AKAP6: variants seen among roughly 807,000 people sequenced by gnomAD.
AKAP6 encodes A-kinase anchoring protein 6.
A neutral mutation model predicts 188.5 loss-of-function variants in AKAP6; 58 were observed. The observed-to-expected ratio is 0.31, with a 90% CI of 0.25 to 0.38. The LOEUF (loss-of-function observed/expected upper bound fraction) is 0.38, where lower values mean the gene tolerates loss of function less well. AKAP6 is among the 10% of genes least tolerant of loss of function. The pLI, the probability that AKAP6 is intolerant of heterozygous loss-of-function variation, is 1.00. For missense variants in AKAP6, 2,710 were observed against 2,740.0 expected (o/e 0.99, Z 0.24); for synonymous variants, 989 against 998.6 (o/e 0.99, Z 0.18).
At chr14:32,342,712 G>A (rs1886928719) in intron 1 of AKAP6, among the ~76,000 whole-genome samples, 2 of 152,256 alleles carry the variant, frequency 1.3e-5, no homozygotes, top group South Asian at 2.1e-4. Context: ...CAGTGTCAGC[G>A]CTGGATGGAG....
chr14:32,735,605 G>GTT (rs2031376583), intron 10 of AKAP6, 53 bp from the exon 11 acceptor site: 8 of 1,257,400 alleles, frequency 6.4e-6, no homozygotes, highest in East Asian at 4.7e-5. Flanking sequence ...TTGTTCGTGG[G>GTT]GTTTTTTTTT....
intron 5 of AKAP6, among the ~76,000 whole-genome samples, chr14:32,587,569 G>T (rs143574765): frequency 6.6e-6 from 1 of 152,154 alleles, no homozygotes; most frequent in Non-Finnish European, 1.5e-5. Flanking sequence ...GAGAGAAATG[G>T]TGAATCAGGG....
chr14:32,826,897 G>A lies in AKAP6; in HGVS notation c.*42+2082G>A, dbSNP rs1383709417. ...CTTATCTCGGGCAAAGGGAGAAACA[G>A]CCAGATTTTACTTCTGCAGAACTCA... On this transcript the variant is annotated intron_variant, in intron 13 of 13. Coordinates refer to ENST00000280979, the MANE Select transcript of AKAP6 (RefSeq NM_004274.5). 2.0e-5 allele frequency among the ~76,000 whole-genome samples: 3 copies of A among 152,084 alleles called. No homozygotes were observed. The East Asian group carries it at 5.8e-4, about 29-fold the overall frequency.
At chr14:32,566,185 C>T (rs11848863) in intron 4 of AKAP6, among the ~76,000 whole-genome samples, 4,665 of 152,136 alleles carry the variant, frequency 0.031, 215 homozygotes, top group African/African-American at 0.11. Flanking sequence ...CTCCATAACA[C>T]GTGATATTGT....
chr14:32,630,401 G>A (rs1315042798), intron 7 of AKAP6, among the ~76,000 whole-genome samples: 1 of 152,000 alleles, frequency 6.6e-6, no homozygotes, highest in African/African-American at 2.4e-5. Context: ...GGAAAAAAAG[G>A]CAATATAATG....
At chr14:32,805,656 G>T (rs1188291223) in intron 12 of AKAP6, among the ~76,000 whole-genome samples, 2 of 152,190 alleles carry the variant, frequency 1.3e-5, no homozygotes, top group African/African-American at 4.8e-5. Context: ...AAACATTTAA[G>T]TGGAAATGCC....
chr14:32,555,067 A>G (rs779930840), intron 4 of AKAP6, among the ~76,000 whole-genome samples: 2 of 152,252 alleles, frequency 1.3e-5, no homozygotes, highest in African/African-American at 4.8e-5. Flanking sequence ...AGAGACATCT[A>G]TAATCTAATT....
intron 2 of AKAP6, among the ~76,000 whole-genome samples, chr14:32,525,737 C>A (rs1241005362): frequency 6.6e-6 from 1 of 152,054 alleles, no homozygotes; most frequent in Non-Finnish European, 1.5e-5. Flanking sequence ...AATATTTTAT[C>A]CAATTGAATT....
chr14:32,585,422 GAAACAAGGTTCTTAATTCAATTTGAT>G (rs1257340921), intron 5 of AKAP6, among the ~76,000 whole-genome samples: 1 of 152,138 alleles, frequency 6.6e-6, no homozygotes, highest in Admixed American at 6.5e-5. Flanking sequence ...TAGCCTTGGA[GAAACAAGGTTCTTAATTCAATTTGAT>G]AAATGAGGAC....
At chr14:32,733,824 T>G (rs1172888404) in intron 10 of AKAP6, 1 of 152,168 alleles carries the variant, frequency 6.6e-6, no homozygotes, top group African/African-American at 2.4e-5. Flanking sequence ...ATGTGGTTAG[T>G]GTATGACATT....
In AKAP6 at chr14:32,416,259, C is replaced by T. The variant is rs1056193606; in HGVS notation, c.-34-17201C>T. 1.9e-4 allele frequency among the ~76,000 whole-genome samples: 29 copies of T among 152,254 alleles called. 1 individual carries two copies. Among genetic ancestry groups the T allele is most frequent in the East Asian group, 1.4e-3 (7 of 5,172 alleles). On this transcript the variant is annotated intron_variant, in intron 1 of 13. Coordinates refer to ENST00000280979, the MANE Select transcript of AKAP6 (RefSeq NM_004274.5). The stretch of plus-strand genomic sequence containing the variant: ...AGTACCCATACCAGTCAGTATGAGG[C>T]AATACCTTGTAGTTTTGATTTTCAT...
intron 2 of AKAP6, among the ~76,000 whole-genome samples, chr14:32,496,665 C>G (rs1880334780): frequency 6.6e-6 from 1 of 152,038 alleles, no homozygotes; most frequent in Middle Eastern, 3.2e-3. Context: ...TATTACCCAT[C>G]TAACATATTG....
chr14:32,437,286 A>C (rs1290131486), intron 2 of AKAP6, among the ~76,000 whole-genome samples: 2 of 152,066 alleles, frequency 1.3e-5, no homozygotes, highest in Non-Finnish European at 2.9e-5. Flanking sequence ...GTGAGGAAGT[A>C]GGGTCTGTGC....
intron 7 of AKAP6, among the ~76,000 whole-genome samples, chr14:32,657,808 A>G (rs1298761439): frequency 1.3e-5 from 2 of 149,792 alleles, no homozygotes; most frequent in Non-Finnish European, 3.0e-5. Context: ...TCTATTCCAT[A>G]TAATGATGAT....
At chr14:32,550,510 C>T (rs1479960093) in intron 4 of AKAP6, among the ~76,000 whole-genome samples, 4 of 152,122 alleles carry the variant, frequency 2.6e-5, no homozygotes, top group Non-Finnish European at 4.4e-5. Context: ...TAAATGGCCA[C>T]GCTTGGCTAC....
chr14:32,499,980 A>C (rs999017458), intron 2 of AKAP6, among the ~76,000 whole-genome samples: 1 of 152,144 alleles, frequency 6.6e-6, no homozygotes, highest in Non-Finnish European at 1.5e-5. Context: ...ATTTGTATGT[A>C]CCAAAACAAT....
intron 1 of AKAP6, among the ~76,000 whole-genome samples, chr14:32,342,601 C>T (rs1886925144): frequency 6.6e-6 from 1 of 152,168 alleles, no homozygotes; most frequent in East Asian, 1.9e-4. Context: ...GATCTTTCTG[C>T]TGCTCTTTGA....
intron 2 of AKAP6, among the ~76,000 whole-genome samples, chr14:32,506,299 C>G (rs1247925644): frequency 6.6e-5 from 10 of 152,006 alleles, no homozygotes; most frequent in Non-Finnish European, 1.2e-4. Context: ...CTGATCCATT[C>G]ACAGATTTAT....
intron 1 of AKAP6, among the ~76,000 whole-genome samples, chr14:32,360,877 G>A (rs1887636688): frequency 2.0e-5 from 3 of 151,588 alleles, no homozygotes; most frequent in Admixed American, 6.6e-5. Context: ...CTGAGTAGCT[G>A]GGACCATAAG....
Sources: gnomAD v4.1 joint callset for allele counts (sites outside exome capture counted in the v4.1 genomes callset) on GRCh38, gnomAD v4.1.1 for gene constraint, MANE v1.5 for transcripts, NCBI Gene and HGNC (gene_info 2026-07-23, HGNC 2026-07-21) for gene names.